PCSK5: variants seen among roughly 807,000 people sequenced by gnomAD.
The protein encoded by PCSK5 is prohormone convertase 5.
A neutral mutation model predicts 233.2 loss-of-function variants in PCSK5; 129 were observed. The ratio of observed to expected loss-of-function variants is 0.55; its 90% CI spans 0.48 to 0.64. The LOEUF (loss-of-function observed/expected upper bound fraction) is 0.64. PCSK5 is among the 30% of genes least tolerant of loss of function. The pLI is 0.00. For missense variants in PCSK5, 2,076 were observed against 2,430.1 expected, an observed-to-expected ratio of 0.85 and a Z score of 3.06; for synonymous variants, 825 against 879.2, an observed-to-expected ratio of 0.94 and a Z score of 1.09.
intron 9 of PCSK5, among the ~76,000 whole-genome samples, chr9:76,120,909 A>T (rs978803853): frequency 2.0e-5 from 3 of 152,046 alleles, no homozygotes; most frequent in African/African-American, 2.4e-5. Context: ...GAGTTTTTTC[A>T]TCTGAAATTT....
At chr9:76,074,000 T>C (rs1830562379) in intron 7 of PCSK5, among the ~76,000 whole-genome samples, 1 of 152,188 alleles carries the variant, frequency 6.6e-6, no homozygotes, top group Non-Finnish European at 1.5e-5. Flanking sequence ...AGAAATAATT[T>C]GGAGGAAATT....
chr9:75,924,197 C>A (rs1294145266), intron 1 of PCSK5, among the ~76,000 whole-genome samples: 1 of 151,550 alleles, frequency 6.6e-6, no homozygotes, highest in Non-Finnish European at 1.5e-5. Flanking sequence ...TACATCTTTC[C>A]TTGAGCACCC....
At chr9:76,223,674 A>G (rs902515855) in intron 20 of PCSK5, among the ~76,000 whole-genome samples, 21 of 152,218 alleles carry the variant, frequency 1.4e-4, no homozygotes, top group African/African-American at 4.1e-4. Context: ...TGATCTGGAA[A>G]TCATAACAAT....
At chr9:76,025,502 A>T (rs2131491544) in intron 4 of PCSK5, among the ~76,000 whole-genome samples, 1 of 152,296 alleles carries the variant, frequency 6.6e-6, no homozygotes, top group Admixed American at 6.5e-5. Flanking sequence ...ACACCACATT[A>T]TTCCAGGCTA....
At chr9:76,256,690 G>A (rs942960577) in intron 24 of PCSK5, among the ~76,000 whole-genome samples, 7 of 152,156 alleles carry the variant, frequency 4.6e-5, no homozygotes, top group Non-Finnish European at 8.8e-5. Flanking sequence ...GCTCGTGCCT[G>A]TTCATCACGC....
chr9:76,251,959 T>A (rs537302627), intron 24 of PCSK5, among the ~76,000 whole-genome samples: 1 of 151,660 alleles, frequency 6.6e-6, no homozygotes, highest in South Asian at 2.1e-4. Flanking sequence ...ATATTATGCT[T>A]TTTTGCAATT....
chr9:76,086,616 TTTG>T (rs1334504317), intron 7 of PCSK5, among the ~76,000 whole-genome samples: 6 of 152,184 alleles, frequency 3.9e-5, no homozygotes, highest in African/African-American at 1.2e-4. Context: ...GTTGTTTTAT[TTTG>T]TTTTTTTAAT....
At chr9:76,106,223 A>G (rs1831972961) in intron 8 of PCSK5, among the ~76,000 whole-genome samples, 1 of 152,182 alleles carries the variant, frequency 6.6e-6, no homozygotes, top group Non-Finnish European at 1.5e-5. Context: ...TAGCCTTCCA[A>G]TAACTTCAAT....
intron 3 of PCSK5, among the ~76,000 whole-genome samples, chr9:76,014,737 C>A (rs139934794): frequency 0.012 from 1,769 of 152,228 alleles, 58 homozygotes; most frequent in Admixed American, 0.064. Flanking sequence ...AATCAACAAC[C>A]CCATATGAAT....
rs1823547533 is a variant in PCSK5 at position 76,175,283 on chromosome 9, AATCGAATC to A, written c.1900+155_1900+162del. 1.4e-5 allele frequency: 9 copies of A among 626,914 alleles called. 1 individual carries two copies. The East Asian group carries it at 1.7e-4, about 12-fold the overall frequency. The allele number at this position is 626,914 out of a possible 1,614,324, so 38.8% of individuals were successfully genotyped here. A position where few individuals can be genotyped will look rare whatever the true frequency, so the allele number is the denominator to read the frequency against. Reference sequence around the variant, plus strand: ...AATGGAATGGAATGGAATCGAATCGAATCGAATCGAATAGAATAGAATAGAATAGAACA... The same window carrying A: ...AATGGAATGGAATGGAATCGAATCGAGAATAGAATAGAATAGAATAGAACA... On this transcript the variant is annotated intron_variant, in intron 14 of 37. Coordinates refer to ENST00000674117, the MANE Select transcript of PCSK5 (RefSeq NM_001372043.1).
At chr9:76,072,011 G>A in intron 7 of PCSK5, 113 bp downstream of exon 7, 1 of 967,548 alleles carries the variant, frequency 1.0e-6, no homozygotes, top group African/African-American at 1.6e-5. Flanking sequence ...CTCCTAGGCT[G>A]AGCCAGCAGG....
chr9:76,321,129 T>C (rs577245923), intron 30 of PCSK5, among the ~76,000 whole-genome samples: 3 of 152,238 alleles, frequency 2.0e-5, no homozygotes, highest in African/African-American at 7.2e-5. Context: ...GCTATCTTTT[T>C]AAGGAATAGC....
At chr9:76,096,608 T>A (rs539554515) in intron 8 of PCSK5, among the ~76,000 whole-genome samples, 1 of 152,198 alleles carries the variant, frequency 6.6e-6, no homozygotes, top group African/African-American at 2.4e-5. Flanking sequence ...TTTCTTTTTT[T>A]TTTTTTTTCC....
intron 5 of PCSK5, among the ~76,000 whole-genome samples, chr9:76,046,977 C>A (rs1483782598): frequency 6.6e-6 from 1 of 152,186 alleles, no homozygotes; most frequent in Non-Finnish European, 1.5e-5. Context: ...GAAAAGCAGA[C>A]ATAATGGCTT....
rs756792781 is a variant in PCSK5, at chr9:76,292,220, T to TA, written c.3143-13_3143-12insA. ...CCTCATGATTATTACTTTTTATTAT[T>TA]TTTTTTTTCCAGATGATCCAGGAAC... On this transcript the variant is annotated splice_polypyrimidine_tract_variant and intron_variant, in intron 24 of 37. Coordinates refer to ENST00000674117, the MANE Select transcript of PCSK5 (RefSeq NM_001372043.1). The TA allele has an allele frequency of 1.1e-5, 15 of 1,427,846 alleles. No homozygotes were observed. The highest frequency in any genetic ancestry group is 2.4e-5 in the South Asian group (2 of 84,110). The allele number at this position is 1,427,846 out of a possible 1,614,324, so 88.4% of individuals were successfully genotyped here. A position where few individuals can be genotyped will look rare whatever the true frequency, so the allele number is the denominator to read the frequency against.
chr9:76,212,579 C>G (rs779292016), intron 20 of PCSK5, among the ~76,000 whole-genome samples: 4 of 152,204 alleles, frequency 2.6e-5, no homozygotes, highest in Non-Finnish European at 4.4e-5. Context: ...AACCAGCTTT[C>G]CTATATTCCC....
In PCSK5 at chr9:76,296,718, G is replaced by A; in HGVS notation, c.3376G>A (p.Gly1126Arg). Reference sequence around the variant, plus strand: ...TGGATTCTATGGTGACCAAGAAATGGGAGAATGTGAGTCCTGCCACCGAGC... The same window carrying A: ...TGGATTCTATGGTGACCAAGAAATGAGAGAATGTGAGTCCTGCCACCGAGC... The part of the protein sequence containing the change: ...GPGFYGDQEM[G>R]ECESCHRACE... Residue 1126 changes from glycine (G) to arginine (R), a missense_variant, in exon 27 of 38, where the codon GGA becomes AGA. Coordinates refer to ENST00000674117, the MANE Select transcript of PCSK5 (RefSeq NM_001372043.1). 2.5e-6 allele frequency: 4 copies of A among 1,612,582 alleles called. No homozygotes were observed. Among genetic ancestry groups the A allele is most frequent in the Non-Finnish European group, 3.4e-6 (4 of 1,179,658 alleles).
At chr9:76,201,575 A>G (rs1404813042) in intron 20 of PCSK5, among the ~76,000 whole-genome samples, 1 of 152,188 alleles carries the variant, frequency 6.6e-6, no homozygotes, top group Non-Finnish European at 1.5e-5. Context: ...ACGGGTTTCT[A>G]TATTTTAGCT....
rs58659276 is a variant in PCSK5 at position 76,124,745 on chromosome 9, C to CA, written c.1209-9340dup. Among the ~76,000 whole-genome samples the CA allele has an allele frequency of 9.7e-3, 890 of 91,576 alleles. 9 individuals carry two copies. Among genetic ancestry groups the CA allele is most frequent in the African/African-American group, 0.018 (397 of 22,444 alleles). 60.1% of individuals were successfully genotyped at this position (91,576 alleles called of 152,430 possible). Reference sequence around the variant, plus strand: ...CTGGCGACAGAGCAAGACTCCATCTCAAAAAAAAAAAAAAAAAAAAAAAAT... The same window carrying CA: ...CTGGCGACAGAGCAAGACTCCATCTCAAAAAAAAAAAAAAAAAAAAAAAAAT... On this transcript the variant is annotated intron_variant, in intron 9 of 37. Coordinates refer to ENST00000674117, the MANE Select transcript of PCSK5 (RefSeq NM_001372043.1).
Sources: allele counts gnomAD v4.1 joint callset (sites outside exome capture counted in the v4.1 genomes callset), GRCh38; gene constraint gnomAD v4.1.1; transcripts MANE v1.5; gene names NCBI Gene and HGNC (gene_info 2026-07-23, HGNC 2026-07-21).